ZP3: variants seen among roughly 807,000 people sequenced by gnomAD.
ZP3 encodes zona pellucida glycoprotein 3.
A neutral mutation model predicts 35.6 loss-of-function variants in ZP3; 21 were observed. That is an observed-to-expected ratio of 0.59 (90% CI 0.42 to 0.85). The LOEUF is 0.85. ZP3 is among the 40% of genes least tolerant of loss of function. The pLI is 0.00. For missense variants in ZP3, 437 were observed against 536.5 expected (o/e 0.81, Z 1.83); for synonymous variants, 207 against 214.5 (o/e 0.96, Z 0.31).
chr7:76,408,543 A>ACCCTG (rs2115824920), intron 1 of ZP3, among the ~76,000 whole-genome samples: 1 of 152,224 alleles, frequency 6.6e-6, no homozygotes, highest in South Asian at 2.1e-4. Flanking sequence ...GGGGACAGGC[A>ACCCTG]ACTTCCAGAG....
intron 1 of ZP3, chr7:76,401,021 T>C: frequency 6.5e-7 from 1 of 1,550,100 alleles, no homozygotes; most frequent in Non-Finnish European, 8.7e-7. Flanking sequence ...GAAAGGGCAG[T>C]GGAGTGGGCT....
chr7:76,402,182 A>ATTTTTTTTTTTTT, intron 1 of ZP3, among the ~76,000 whole-genome samples: 1 of 127,234 alleles, frequency 7.9e-6, no homozygotes, highest in Non-Finnish European at 1.7e-5. Flanking sequence ...CTGCCCAGCT[A>ATTTTTTTTTTTTT]TTTTTTTTTT....
At chr7:76,408,091 G>A (rs555297603) in intron 1 of ZP3, among the ~76,000 whole-genome samples, 3 of 152,284 alleles carry the variant, frequency 2.0e-5, no homozygotes, top group Middle Eastern at 3.4e-3. Context: ...TGTAGGAGGC[G>A]GCGGTAGAGA....
intron 7 of ZP3, 120 bp downstream of exon 7, chr7:76,440,731 C>G (rs1232623050): frequency 2.8e-6 from 4 of 1,453,998 alleles, no homozygotes; most frequent in Middle Eastern, 2.5e-4. Flanking sequence ...TGTACCTAGG[C>G]CTGCAGCTAC....
intron 1 of ZP3, among the ~76,000 whole-genome samples, chr7:76,428,391 G>C (rs1367158787): frequency 6.6e-6 from 1 of 152,118 alleles, no homozygotes; most frequent in Non-Finnish European, 1.5e-5. Flanking sequence ...CTAATCACCT[G>C]GAAAGGTTGT....
At chr7:76,398,710 G>C (rs749922061) in intron 1 of ZP3, 3 of 1,612,470 alleles carry the variant, frequency 1.9e-6, no homozygotes, top group Non-Finnish European at 2.5e-6. Flanking sequence ...CCCACATTAT[G>C]CTTACGTACT....
Position 76,400,599 on chromosome 7 carries a change from G to T in ZP3, c.-67+2802G>T, listed in dbSNP as rs903002424. On this transcript the variant is annotated intron_variant, in intron 1 of 8. Transcript: ENST00000336517. ...CCCCCACCAGCCTCAGCTCTGTGAA[G>T]AGGGTGGAGCTGGCACCAGGGGGTC... The T allele has an allele frequency of 2.8e-6, 4 of 1,454,504 alleles. No homozygotes were observed. The African/African-American group carries it at 5.8e-5, about 21-fold the overall frequency. 90.1% of individuals were successfully genotyped at this position (1,454,504 alleles called of 1,614,324 possible). A position where few individuals can be genotyped will look rare whatever the true frequency, so the allele number is the denominator to read the frequency against.
intron 1 of ZP3, among the ~76,000 whole-genome samples, chr7:76,410,389 T>G: frequency 6.6e-6 from 1 of 150,912 alleles, no homozygotes; most frequent in Admixed American, 6.6e-5. Context: ...TTCGCTCTTG[T>G]TGCCCAGGCT....
At chr7:76,435,162 C>T (rs1340519292) in intron 5 of ZP3, among the ~76,000 whole-genome samples, 5 of 152,092 alleles carry the variant, frequency 3.3e-5, no homozygotes, top group Non-Finnish European at 5.9e-5. Flanking sequence ...CTGGTTAACA[C>T]GGTGAAACCC....
intron 1 of ZP3, 35 bp from the exon 2 acceptor site, chr7:76,429,480 T>C: frequency 5.6e-6 from 9 of 1,604,762 alleles, no homozygotes; most frequent in East Asian, 2.2e-5. Context: ...GGGCAGGTGA[T>C]GGCCGGCAGC....
In ZP3 at chr7:76,433,644, A is replaced by G. The variant is rs562729976; in HGVS notation, c.710A>G (p.His237Arg). 1.1e-5 allele frequency: 18 copies of G among 1,604,014 alleles called. No homozygotes were observed. Among genetic ancestry groups the G allele is most frequent in the East Asian group, 2.2e-5 (1 of 44,650 alleles). ...ASPYHTIVDF[H>R]GCLVDGLTDA... is the part of the protein sequence containing the mutation. ...CCTTATCACACCATCGTGGACTTCC[A>G]TGGGTGAGCACTGGGCTCCCTGCCT... Residue 237 changes from histidine (H) to arginine (R), a missense_variant, in exon 4 of 8, where the codon CAT becomes CGT. Around this residue, in one of 6 missense-constraint regions of ZP3, gnomAD observed 352 missense variants for 308.4 expected, o/e 1.14. Coordinates refer to ENST00000394857, the MANE Select transcript of ZP3 (RefSeq NM_001110354.2).
intron 1 of ZP3, among the ~76,000 whole-genome samples, chr7:76,413,450 A>G (rs2115844091): frequency 6.6e-6 from 1 of 151,548 alleles, no homozygotes; most frequent in East Asian, 1.9e-4. Context: ...TTTTTTTAGT[A>G]GAGTCAGGGT....
intron 5 of ZP3, among the ~76,000 whole-genome samples, chr7:76,435,756 TCTCA>T (rs571762400): frequency 0.038 from 5,646 of 149,876 alleles, 177 homozygotes; most frequent in African/African-American, 0.13. Context: ...TTTGAGACAG[TCTCA>T]CTCTGTCACC....
intron 5 of ZP3, among the ~76,000 whole-genome samples, chr7:76,437,050 G>A (rs984575262): frequency 1.3e-4 from 19 of 151,912 alleles, no homozygotes; most frequent in Non-Finnish European, 1.8e-4. Flanking sequence ...TGGGCACGGT[G>A]GTTCACATCT....
intron 5 of ZP3, among the ~76,000 whole-genome samples, chr7:76,435,477 C>T (rs887304707): frequency 2.6e-5 from 4 of 152,244 alleles, no homozygotes; most frequent in Non-Finnish European, 5.9e-5. Flanking sequence ...TAAACAAGCT[C>T]ACTGAGATGA....
intron 1 of ZP3, among the ~76,000 whole-genome samples, chr7:76,426,314 G>T (rs1365774938): frequency 6.6e-6 from 1 of 152,138 alleles, no homozygotes; most frequent in Non-Finnish European, 1.5e-5. Context: ...GGCAGGGCTG[G>T]GCACACAGCT....
intron 1 of ZP3, among the ~76,000 whole-genome samples, chr7:76,404,823 A>G (rs1224631669): frequency 6.6e-6 from 1 of 151,926 alleles, no homozygotes. Flanking sequence ...TAATCCCAGC[A>G]CTTTGGGAGC....
intron 2 of ZP3, among the ~76,000 whole-genome samples, chr7:76,432,283 G>A (rs1430338662): frequency 6.6e-6 from 1 of 151,790 alleles, no homozygotes; most frequent in Non-Finnish European, 1.5e-5. Context: ...CCACCTCCGA[G>A]GTTCACGCCA....
chr7:76,413,752 G>A (rs545816197), intron 1 of ZP3, among the ~76,000 whole-genome samples: 1 of 149,632 alleles, frequency 6.7e-6, no homozygotes, highest in Non-Finnish European at 1.5e-5. Flanking sequence ...TTGCAGTTGC[G>A]AACTCTGAGG....
Sources: gnomAD v4.1 joint callset for allele counts (sites outside exome capture counted in the v4.1 genomes callset) on GRCh38, gnomAD v4.1.1 for gene constraint, gnomAD v4.1.1 regional missense constraint, MANE v1.5 for transcripts, NCBI Gene and HGNC (gene_info 2026-07-23, HGNC 2026-07-21) for gene names.